The following ZNF658 variants were observed in gnomAD, a reference collection of about 807,000 sequenced individuals.
The protein encoded by ZNF658 is zinc finger protein 658.
In ZNF658, 46 loss-of-function variants were observed where a neutral mutation model predicts 78.0. That is an observed-to-expected ratio of 0.59 (90% CI 0.47 to 0.75). The LOEUF is 0.75. ZNF658 is among the 30% of genes least tolerant of loss of function. The pLI, the probability that ZNF658 is intolerant of heterozygous loss-of-function variation, is 0.00. For missense variants in ZNF658, 785 were observed against 1,189.3 expected (o/e 0.66, Z 5.00); for synonymous variants, 279 against 408.4 (o/e 0.68, Z 3.82).
At chr9:66,908,394 G>A (rs200786504) in intron 3 of ZNF658, 30 bp downstream of exon 3, 9 of 1,613,568 alleles carry the variant, frequency 5.6e-6, no homozygotes, top group Middle Eastern at 1.7e-4. Flanking sequence ...GGGCTCTCTC[G>A]AGAATATATG....
Position 66,920,344 on chromosome 9 carries a change from T to G in ZNF658, c.2778T>G (p.Ser926Arg), listed in dbSNP as rs1471505189. Residue 926 changes from serine (S) to arginine (R), a missense_variant, in exon 5 of 5, where the codon AGT becomes AGG. Ser to Arg is a moderately radical substitution (Grantham distance 110). This residue lies in a region of ZNF658 where 85 missense variants were observed against 108.6 expected (regional missense o/e 0.78). Coordinates refer to ENST00000621410, the MANE Select transcript of ZNF658 (RefSeq NM_033160.7). Reference protein sequence around the residue: ...GKTFSEKSYVSAHQRVHTGEK... With the variant: ...GKTFSEKSYVRAHQRVHTGEK... ...CCTTCTCTGAGAAGTCATATGTTAG[T>G]GCACATCAGAGAGTTCATACGGGGG... The G allele has an allele frequency of 6.2e-7, 1 of 1,613,316 alleles. No homozygotes were observed. The highest frequency in any genetic ancestry group is 1.3e-5 in the African/African-American group (1 of 74,650).
chr9:66,928,548 G>A (rs1029742978), intron 6 of ZNF658, among the ~76,000 whole-genome samples: 10 of 150,400 alleles, frequency 6.6e-5, no homozygotes, highest in African/African-American at 1.9e-4. Context: ...ATCAGAAATT[G>A]TATTTTAAAA....
At chr9:66,921,551 A>T (rs1822527883), downstream of ZNF658, 1 of 151,910 alleles carries the variant, frequency 6.6e-6, no homozygotes, top group Admixed American at 6.6e-5. Context: ...TATAGAACAT[A>T]TATAAGAAAA....
At chr9:66,909,419 CT>C (rs1822161537) in intron 4 of ZNF658, among the ~76,000 whole-genome samples, 1 of 150,480 alleles carries the variant, frequency 6.6e-6, no homozygotes, top group South Asian at 2.1e-4. Context: ...ATGTTTCATT[CT>C]TTTTATGGCC....
chr9:66,902,031 C>T (rs1219109172), intron 1 of ZNF658, among the ~76,000 whole-genome samples: 1 of 152,176 alleles, frequency 6.6e-6, no homozygotes, highest in Non-Finnish European at 1.5e-5. Context: ...TTTTACTTAA[C>T]TCATTCCTTC....
intron 4 of ZNF658, among the ~76,000 whole-genome samples, chr9:66,914,316 T>C (rs551763814): frequency 3.5e-4 from 53 of 151,908 alleles, no homozygotes; most frequent in Non-Finnish European, 1.6e-4. Context: ...CAATTCATCA[T>C]TGTATGTTTG....
chr9:66,924,390 A>T, downstream of ZNF658: 1 of 180,764 alleles, frequency 5.5e-6, no homozygotes, highest in South Asian at 9.8e-5. Context: ...GCCTGAACTG[A>T]TTTTCCAGGT....
chr9:66,923,706 T>G (rs1388856059), downstream of ZNF658, among the ~76,000 whole-genome samples: 1 of 151,112 alleles, frequency 6.6e-6, no homozygotes, highest in Admixed American at 6.6e-5. Context: ...AAGAATAGAT[T>G]GTAAATGTTT....
intron 2 of ZNF658, among the ~76,000 whole-genome samples, chr9:66,905,033 T>A (rs1170222583): frequency 1.3e-5 from 1 of 78,704 alleles, no homozygotes; most frequent in Non-Finnish European, 2.6e-5. Flanking sequence ...CAGGTGTGGA[T>A]TTATCTTTTC....
intron 4 of ZNF658, among the ~76,000 whole-genome samples, chr9:66,910,217 A>C (rs1418688398): frequency 1.3e-5 from 2 of 152,214 alleles, no homozygotes. Context: ...GTCACCAATG[A>C]TATCAGGCAT....
chr9:66,918,588 T>C lies in ZNF658; in HGVS notation c.1022T>C (p.Ile341Thr), dbSNP rs976078086. ...AATTTTAGCCAGAGCTCAGCCCATA[T>C]AGTACATCAGAAAACACAAGCTGGA... ...EENFSQSSAHIVHQKTQAGDK... is the reference protein window; with the variant it reads ...EENFSQSSAHTVHQKTQAGDK... Residue 341 changes from isoleucine (I) to threonine (T), a missense_variant, in exon 5 of 5, where the codon ATA (isoleucine) becomes ACA (threonine). Physicochemically the swap from Ile to Thr is moderately conservative, Grantham distance 89. Transcript: ENST00000621410. 17 of 1,609,234 alleles carry C rather than the reference T, an allele frequency of 1.1e-5. No homozygotes were observed. The highest frequency in any genetic ancestry group is 1.6e-4 in the Middle Eastern group (1 of 6,072).
At chr9:66,901,788 A>T (rs983337029) in intron 1 of ZNF658, among the ~76,000 whole-genome samples, 1 of 151,366 alleles carries the variant, frequency 6.6e-6, no homozygotes, top group African/African-American at 2.4e-5. Context: ...CTACAAAAAT[A>T]AAAAAATTAG....
At chr9:66,929,157 TC>T (rs1421903395) in intron 6 of ZNF658, among the ~76,000 whole-genome samples, 1 of 150,490 alleles carries the variant, frequency 6.6e-6, no homozygotes, top group Admixed American at 6.7e-5. Context: ...AGAATAAATT[TC>T]TCTTTTTAAC....
intron 6 of ZNF658, among the ~76,000 whole-genome samples, chr9:66,929,890 T>A (rs980646453): frequency 1.7e-4 from 24 of 137,426 alleles, no homozygotes; most frequent in South Asian, 1.5e-3. Flanking sequence ...TTCAAGCGAT[T>A]CTCCTGCCTC....
At chr9:66,905,601 A>T in intron 2 of ZNF658, among the ~76,000 whole-genome samples, 1 of 143,742 alleles carries the variant, frequency 7.0e-6, no homozygotes, top group South Asian at 2.2e-4. Context: ...CTCACTGCAT[A>T]ATCTCAGTGG....
rs1260550291 is a variant in ZNF658 at position 66,903,380 on chromosome 9, T to A, written c.-44-138T>A. On this transcript the variant is annotated intron_variant, in intron 1 of 4. Transcript: ENST00000621410. ...TTTTAGGCACATGAATAGGATTACA[T>A]GCTCCTTGATTACAGTGGGGTTATG... The A allele has an allele frequency of 1.4e-5, 9 of 630,494 alleles. No individual in the cohort carries two copies. The Admixed American group carries it at 1.7e-4, about 12-fold the overall frequency. 39.1% of individuals were successfully genotyped at this position (630,494 alleles called of 1,614,324 possible).
In ZNF658 at chr9:66,918,161, A is replaced by G; in HGVS notation, c.595A>G (p.Ser199Gly). The change falls in exon 5 of 5, where the codon AGT becomes GGT. Residue 199 changes from serine (S) to glycine (G), a missense_variant. This residue lies in a region of ZNF658 where 393 missense variants were observed against 400.2 expected (regional missense o/e 0.98). Coordinates refer to ENST00000621410, the MANE Select transcript of ZNF658 (RefSeq NM_033160.7). ...YEHGENAKAFSYKKDQHWKFQ... is the reference protein window; with the variant it reads ...YEHGENAKAFGYKKDQHWKFQ... ...ACATGGTGAAAATGCTAAAGCTTTC[A>G]GTTATAAGAAAGATCAGCATTGGAA... 6.2e-7 allele frequency: 1 copy of G among 1,604,394 alleles called. No homozygotes were observed. The highest frequency in any genetic ancestry group is 8.5e-7 in the Non-Finnish European group (1 of 1,176,998).
intron 6 of ZNF658, among the ~76,000 whole-genome samples, chr9:66,928,750 C>T (rs1400511654): frequency 6.8e-6 from 1 of 146,158 alleles, no homozygotes; most frequent in Non-Finnish European, 1.5e-5. Flanking sequence ...ATATCAAATA[C>T]TTAGGGATAA....
At chr9:66,929,803 A>T (rs1258300369) in intron 6 of ZNF658, among the ~76,000 whole-genome samples, 11 of 90,338 alleles carry the variant, frequency 1.2e-4, no homozygotes, top group African/African-American at 1.2e-4. Flanking sequence ...TTTTTTTTTT[A>T]GACGGAGTCT....
Sources: allele counts gnomAD v4.1 joint callset (sites outside exome capture counted in the v4.1 genomes callset), GRCh38; gene constraint gnomAD v4.1.1; regional missense constraint gnomAD v4.1.1; transcripts MANE v1.5; gene names NCBI Gene and HGNC (gene_info 2026-07-23, HGNC 2026-07-21).